BMPR2: variants seen among roughly 807,000 people sequenced by gnomAD.
BMPR2 encodes bone morphogenetic protein receptor type 2.
Under a neutral mutation model 100.8 loss-of-function variants are expected in BMPR2, and 29 were observed. That is an observed-to-expected ratio of 0.29 (90% confidence interval 0.21 to 0.39). The LOEUF is 0.39. Among genes scored for constraint, BMPR2 ranks in the 10% least tolerant of loss-of-function variants. The pLI, the probability that BMPR2 is intolerant of heterozygous loss-of-function variation, is 1.00. For missense variants in BMPR2, 1,011 were observed against 1,274.5 expected, an observed-to-expected ratio of 0.79 and a Z score of 3.15; for synonymous variants, 382 against 442.3, an observed-to-expected ratio of 0.86 and a Z score of 1.71.
intron 7 of BMPR2, among the ~76,000 whole-genome samples, chr2:202,530,065 G>A (rs1291333838): frequency 6.6e-6 from 1 of 151,964 alleles, no homozygotes; most frequent in African/African-American, 2.4e-5. Flanking sequence ...ATCATTTACT[G>A]TGTGTCTACT....
chr2:202,405,515 C>T (rs1258043247), intron 1 of BMPR2, among the ~76,000 whole-genome samples: 3 of 151,726 alleles, frequency 2.0e-5, no homozygotes, highest in Non-Finnish European at 4.4e-5. Flanking sequence ...GGTGAAACCC[C>T]GTCTGTACTA....
intron 1 of BMPR2, among the ~76,000 whole-genome samples, chr2:202,388,801 A>C (rs1690487769): frequency 6.6e-6 from 1 of 151,942 alleles, no homozygotes; most frequent in Non-Finnish European, 1.5e-5. Flanking sequence ...AAAAAAAAAA[A>C]AGCAAGATTT....
At chr2:202,546,691 C>T (rs568432719) in intron 10 of BMPR2, among the ~76,000 whole-genome samples, 210 of 152,254 alleles carry the variant, frequency 1.4e-3, no homozygotes, top group African/African-American at 4.8e-3. Context: ...GTGGCGTCTG[C>T]CTCCTGGGTT....
intron 10 of BMPR2, among the ~76,000 whole-genome samples, chr2:202,550,841 A>G (rs1688462979): frequency 6.6e-6 from 1 of 151,956 alleles, no homozygotes; most frequent in Non-Finnish European, 1.5e-5. Context: ...AACCAAAAAT[A>G]TAATAATAGT....
chr2:202,559,950 G>A lies in BMPR2; in HGVS notation c.*4G>A, dbSNP rs1319223446. The A allele has an allele frequency of 1.2e-6, 2 of 1,613,698 alleles. No individual in the cohort carries two copies. The highest frequency in any genetic ancestry group is 1.7e-4 in the Middle Eastern group (1 of 5,998). Reference sequence around the variant, plus strand: ...TATAGGAATGAACTGTCTGTGAAATGTTTTCAAGCCTATGGAGTGAAATTA... The same window carrying A: ...TATAGGAATGAACTGTCTGTGAAATATTTTCAAGCCTATGGAGTGAAATTA... On this transcript the variant is annotated 3_prime_UTR_variant, in exon 13 of 13. Coordinates refer to ENST00000374580, the MANE Select transcript of BMPR2 (RefSeq NM_001204.7).
intron 1 of BMPR2, among the ~76,000 whole-genome samples, chr2:202,403,557 A>G (rs1690815918): frequency 6.6e-6 from 1 of 152,216 alleles, no homozygotes; most frequent in Non-Finnish European, 1.5e-5. Context: ...AGTAAAAGTG[A>G]TACCTCTAGA....
At chr2:202,476,555 G>C (rs761859335) in intron 3 of BMPR2, among the ~76,000 whole-genome samples, 6 of 152,078 alleles carry the variant, frequency 3.9e-5, no homozygotes, top group Non-Finnish European at 7.4e-5. Context: ...TGGGGAGGCC[G>C]AGGCGGGTGG....
At chr2:202,536,611 G>A (rs1184012589) in intron 9 of BMPR2, among the ~76,000 whole-genome samples, 1 of 151,974 alleles carries the variant, frequency 6.6e-6, no homozygotes, top group Non-Finnish European at 1.5e-5. Flanking sequence ...GGTGGCTCAC[G>A]CCTGTAATCC....
chr2:202,500,119 T>C lies in BMPR2; in HGVS notation c.419-13600T>C, dbSNP rs113319447. Among the ~76,000 whole-genome samples, 355 of 152,268 alleles carry C rather than the reference T, an allele frequency of 2.3e-3. 1 individual carries two copies. Among genetic ancestry groups the C allele is most frequent in the African/African-American group, 8.0e-3 (334 of 41,558 alleles). ...GGTGCCCGGGGCAAGTGCCAGCTCA[T>C]GTCATCACCCTCACTGAGCCCCGGG... On this transcript the variant is annotated intron_variant, in intron 3 of 12. Coordinates refer to ENST00000374580, the MANE Select transcript of BMPR2 (RefSeq NM_001204.7).
chr2:202,403,114 C>T (rs904231000), intron 1 of BMPR2, among the ~76,000 whole-genome samples: 1 of 151,966 alleles, frequency 6.6e-6, no homozygotes, highest in Non-Finnish European at 1.5e-5. Context: ...AGGCATGAGC[C>T]ACCGCGCCTG....
At chr2:202,441,420 A>G (rs957877475) in intron 1 of BMPR2, among the ~76,000 whole-genome samples, 6 of 149,978 alleles carry the variant, frequency 4.0e-5, no homozygotes, top group African/African-American at 1.5e-4. Context: ...TAAAAATCAT[A>G]AAGGCTGGGT....
At chr2:202,415,806 C>T (rs994695033) in intron 1 of BMPR2, among the ~76,000 whole-genome samples, 1 of 152,130 alleles carries the variant, frequency 6.6e-6, no homozygotes, top group Non-Finnish European at 1.5e-5. Context: ...GACAATGCAC[C>T]CGATCACCCA....
At chr2:202,412,194 A>AATATATT (rs1691026033) in intron 1 of BMPR2, among the ~76,000 whole-genome samples, 10 of 152,210 alleles carry the variant, frequency 6.6e-5, no homozygotes, top group Admixed American at 6.5e-4. Flanking sequence ...TGTGTCTCTA[A>AATATATT]TAATCTTAAA....
At chr2:202,533,545 C>G (rs897493050) in intron 9 of BMPR2, among the ~76,000 whole-genome samples, 3 of 151,746 alleles carry the variant, frequency 2.0e-5, no homozygotes, top group Non-Finnish European at 4.4e-5. Context: ...TAAAAAAAGG[C>G]CTGGCGCGGT....
At chr2:202,548,674 T>C (rs1476436590) in intron 10 of BMPR2, among the ~76,000 whole-genome samples, 2 of 152,132 alleles carry the variant, frequency 1.3e-5, no homozygotes, top group African/African-American at 4.8e-5. Flanking sequence ...AAAAGTTCCT[T>C]GTTTATCTTT....
chr2:202,469,826 A>C (rs1306038596), intron 3 of BMPR2, among the ~76,000 whole-genome samples: 3 of 152,030 alleles, frequency 2.0e-5, no homozygotes, highest in Admixed American at 2.0e-4. Flanking sequence ...CTGATACCAA[A>C]GTTATTGAAA....
At chr2:202,440,006 A>G (rs755389938) in intron 1 of BMPR2, among the ~76,000 whole-genome samples, 8 of 150,464 alleles carry the variant, frequency 5.3e-5, no homozygotes, top group Non-Finnish European at 1.0e-4. Context: ...GAGTGGACAC[A>G]GCACATGTTT....
intron 3 of BMPR2, among the ~76,000 whole-genome samples, chr2:202,498,395 G>T (rs1295321683): frequency 6.6e-6 from 1 of 152,152 alleles, no homozygotes; most frequent in Admixed American, 6.5e-5. Context: ...GATCAGCAGG[G>T]TCCAGGGACC....
At chr2:202,504,709 G>A (rs1687485631) in intron 3 of BMPR2, among the ~76,000 whole-genome samples, 2 of 129,118 alleles carry the variant, frequency 1.5e-5, no homozygotes, top group Admixed American at 8.8e-5. Context: ...TGAGAGAGTC[G>A]CACTCTGTCA....
Sources: gnomAD v4.1 joint callset for allele counts (sites outside exome capture counted in the v4.1 genomes callset) on GRCh38, gnomAD v4.1.1 for gene constraint, MANE v1.5 for transcripts, NCBI Gene and HGNC (gene_info 2026-07-23, HGNC 2026-07-21) for gene names.